TRAF2: variants seen among roughly 807,000 people sequenced by gnomAD.
TRAF2 encodes TNF receptor-associated factor 2.
In TRAF2, 6 loss-of-function variants were observed where a neutral mutation model predicts 55.6. That is an observed-to-expected ratio of 0.11 (90% CI 0.06 to 0.21). The LOEUF (loss-of-function observed/expected upper bound fraction) is 0.21, where lower values mean the gene tolerates loss of function less well. Ranked by LOEUF, TRAF2 falls within the 10% of genes least tolerant of loss-of-function variation. The pLI is 1.00. For synonymous variants in TRAF2, 329 were observed against 276.3 expected, an observed-to-expected ratio of 1.19 and a Z score of -1.89; for missense variants, 561 against 684.5, an observed-to-expected ratio of 0.82 and a Z score of 2.01.
intron 9 of TRAF2, 135 bp downstream of exon 9, chr9:136,921,350 A>G: frequency 1.7e-6 from 2 of 1,155,752 alleles, no homozygotes; most frequent in Non-Finnish European, 2.4e-6. Flanking sequence ...GGGAGCAGCT[A>G]CACCTCCCTG....
chr9:136,896,208 G>T (rs1335105314), intron 1 of TRAF2, among the ~76,000 whole-genome samples: 1 of 152,242 alleles, frequency 6.6e-6, no homozygotes, highest in Non-Finnish European at 1.5e-5. Flanking sequence ...GCTCTCAGGG[G>T]CCGGGACTGG....
intron 6 of TRAF2, among the ~76,000 whole-genome samples, chr9:136,915,516 C>T (rs1324556376): frequency 1.3e-5 from 2 of 152,064 alleles, no homozygotes; most frequent in African/African-American, 4.8e-5. Context: ...TTTTTATTGA[C>T]ACAGCGTTCA....
chr9:136,886,555 G>A lies in TRAF2; in HGVS notation c.-29+14G>A. ...TGCGACCGTTGGGTGAGGCGAGCGC[G>A]GGGTCGGGTGCGGGGTCGGGCGCGG... On this transcript the variant is annotated intron_variant, in intron 1 of 10. Transcript: ENST00000247668. 1.0e-6 allele frequency: 1 copy of A among 982,990 alleles called. No individual in the cohort carries two copies. The highest frequency in any genetic ancestry group is 1.2e-6 in the Non-Finnish European group (1 of 828,998). The allele number at this position is 982,990 out of a possible 1,614,324, so 60.9% of individuals were successfully genotyped here. A position where few individuals can be genotyped will look rare whatever the true frequency, so the allele number is the denominator to read the frequency against.
intron 1 of TRAF2, among the ~76,000 whole-genome samples, chr9:136,895,883 A>G (rs990649765): frequency 4.6e-5 from 7 of 150,708 alleles, no homozygotes; most frequent in African/African-American, 1.5e-4. Context: ...AATGGTTCTG[A>G]GAAGTCATTC....
At chr9:136,898,955 A>G (rs1276005892) in intron 2 of TRAF2, 27 bp downstream of exon 2, 1 of 1,568,144 alleles carries the variant, frequency 6.4e-7, no homozygotes, top group African/African-American at 1.4e-5. Context: ...GGCTGGGAGG[A>G]GGGGCAGGCA....
At chr9:136,923,504 A>G (rs1263882076) in intron 9 of TRAF2, among the ~76,000 whole-genome samples, 1 of 149,848 alleles carries the variant, frequency 6.7e-6, no homozygotes, top group Non-Finnish European at 1.5e-5. Flanking sequence ...TCAGCTACTC[A>G]GGAGGCTGAG....
At chr9:136,916,488 C>G in intron 6 of TRAF2, 53 bp from the exon 7 acceptor site, 1 of 1,582,474 alleles carries the variant, frequency 6.3e-7, no homozygotes, top group Non-Finnish European at 8.7e-7. Context: ...TGTGGAAGTG[C>G]TGAAATGCAT....
In TRAF2 at chr9:136,921,193, C is replaced by T; in HGVS notation, c.1116C>T (p.Arg372=). The change falls in exon 9 of 11, where the codon CGC becomes CGT. Residue 372 remains arginine (R), a synonymous_variant. Transcript: ENST00000247668. ...ARKRQEAVAG[R]IPAIFSPAFY... ...AGCGCCAGGAAGCTGTGGCTGGCCGCATACCCGCCATCTTCTCCCCAGGTG... is the reference window on the plus strand; with the variant it reads ...AGCGCCAGGAAGCTGTGGCTGGCCGTATACCCGCCATCTTCTCCCCAGGTG... The T allele has an allele frequency of 1.2e-6, 2 of 1,613,808 alleles. No homozygotes were observed. The highest frequency in any genetic ancestry group is 1.7e-6 in the Non-Finnish European group (2 of 1,180,030).
chr9:136,916,789 C>T, intron 7 of TRAF2, 174 bp downstream of exon 7: 1 of 640,168 alleles, frequency 1.6e-6, no homozygotes, highest in Non-Finnish European at 2.8e-6. Flanking sequence ...GGGCTGGCAG[C>T]CCTGTCCACT....
At chr9:136,898,621 C>T (rs1849741591) in intron 1 of TRAF2, 92 bp from the exon 2 acceptor site, 3 of 1,533,218 alleles carry the variant, frequency 2.0e-6, no homozygotes, top group Admixed American at 3.8e-5. Flanking sequence ...CCCGGCCCCT[C>T]ACCATCGCCT....
intron 7 of TRAF2, among the ~76,000 whole-genome samples, chr9:136,917,856 G>A (rs1476202109): frequency 1.3e-5 from 2 of 152,120 alleles, no homozygotes; most frequent in Non-Finnish European, 2.9e-5. Flanking sequence ...TCCCGTGCGG[G>A]AGGTTGCGTA....
intron 7 of TRAF2, among the ~76,000 whole-genome samples, chr9:136,917,200 G>A (rs1265869394): frequency 1.3e-5 from 2 of 152,170 alleles, no homozygotes; most frequent in Non-Finnish European, 2.9e-5. Flanking sequence ...TTCCGTTCTG[G>A]CCTGTTCACA....
At chr9:136,899,822 T>G (rs1849773030) in intron 3 of TRAF2, 150 bp downstream of exon 3, 2 of 667,690 alleles carry the variant, frequency 3.0e-6, no homozygotes, top group Admixed American at 2.9e-5. Context: ...TCCAGGAGTT[T>G]GAGACCAGCC....
rs11422823 is a variant in TRAF2, at chr9:136,903,536, AT to A, written c.366+3029del. Among the ~76,000 whole-genome samples the A allele has an allele frequency of 4.3e-3, 631 of 148,124 alleles. 6 individuals carry two copies. The highest frequency in any genetic ancestry group is 0.015 in the African/African-American group (591 of 40,310). On this transcript the variant is annotated intron_variant, in intron 4 of 10. Coordinates refer to ENST00000247668, the MANE Select transcript of TRAF2 (RefSeq NM_021138.4). ...TTGAATTCTGGCTGAATAAATATTG[AT>A]TTTTTTTTTTTTAAACTGTGTCTGC... is the stretch of plus-strand genomic sequence containing the variant.
chr9:136,910,027 G>T, intron 6 of TRAF2, 33 bp downstream of exon 6: 3 of 1,605,242 alleles, frequency 1.9e-6, no homozygotes, highest in Non-Finnish European at 2.6e-6. Context: ...GAGGACCGCA[G>T]GGCGGGGCCC....
intron 1 of TRAF2, among the ~76,000 whole-genome samples, chr9:136,887,249 T>C (rs1849474717): frequency 6.6e-6 from 1 of 152,100 alleles, no homozygotes; most frequent in Non-Finnish European, 1.5e-5. Context: ...AGGGGATGTT[T>C]GTGGAAGGTA....
chr9:136,902,991 C>G (rs950530454), intron 4 of TRAF2, among the ~76,000 whole-genome samples: 1 of 151,810 alleles, frequency 6.6e-6, no homozygotes, highest in Non-Finnish European at 1.5e-5. Context: ...TTTTTTGAGA[C>G]GGTCTTGCTC....
chr9:136,923,668 G>A (rs368623297), intron 9 of TRAF2, among the ~76,000 whole-genome samples, 184 bp from the exon 10 acceptor site: 1 of 135,670 alleles, frequency 7.4e-6, no homozygotes, highest in Admixed American at 7.4e-5. Flanking sequence ...TTTTTGTAAT[G>A]AAATTTGTTT....
At position 136,925,952 on chromosome 9, in the gene TRAF2, C is replaced by A. The variant is rs376712787; in HGVS notation, c.*51C>A. On this transcript the variant is annotated 3_prime_UTR_variant, in exon 11 of 11. Coordinates refer to ENST00000247668, the MANE Select transcript of TRAF2 (RefSeq NM_021138.4). ...TGGGGGCAGCCAGGCACAGCCGGCT[C>A]ACGGAGGGGCCACCACGCTGGGCCA... 1.3e-5 allele frequency: 21 copies of A among 1,601,822 alleles called. No individual in the cohort carries two copies. The highest frequency in any genetic ancestry group is 1.7e-5 in the Non-Finnish European group (20 of 1,171,368).
Sources: gnomAD v4.1 joint callset for allele counts (sites outside exome capture counted in the v4.1 genomes callset) on GRCh38, gnomAD v4.1.1 for gene constraint, MANE v1.5 for transcripts, NCBI Gene and HGNC (gene_info 2026-07-23, HGNC 2026-07-21) for gene names.